ZNF804B: variants seen among roughly 807,000 people sequenced by gnomAD.
The protein encoded by ZNF804B is zinc finger 804B.
In ZNF804B, 80 loss-of-function variants were observed where a neutral mutation model predicts 101.4. The ratio of observed to expected loss-of-function variants is 0.79; its 90% confidence interval spans 0.66 to 0.95. The LOEUF is 0.95. Ranked by LOEUF, ZNF804B falls within the 40% of genes least tolerant of loss-of-function variation. The pLI, the probability that ZNF804B is intolerant of heterozygous loss-of-function variation, is 0.00. For missense variants in ZNF804B, 1,673 were observed against 1,561.9 expected, an observed-to-expected ratio of 1.07 and a Z score of -1.20; for synonymous variants, 622 against 558.8, an observed-to-expected ratio of 1.11 and a Z score of -1.59.
chr7:89,151,835 A>G (rs1259322600), intron 1 of ZNF804B, among the ~76,000 whole-genome samples: 1 of 152,062 alleles, frequency 6.6e-6, no homozygotes, highest in Non-Finnish European at 1.5e-5. Context: ...ATTCACACTC[A>G]TAGGCTATGA....
chr7:89,138,538 G>C (rs1311850578), intron 1 of ZNF804B, among the ~76,000 whole-genome samples: 1 of 152,046 alleles, frequency 6.6e-6, no homozygotes, highest in Non-Finnish European at 1.5e-5. Flanking sequence ...GGAGTTAATG[G>C]TGAAATGAGT....
intron 2 of ZNF804B, among the ~76,000 whole-genome samples, chr7:89,223,330 T>C (rs2115717045): frequency 6.6e-6 from 1 of 152,044 alleles, no homozygotes. Flanking sequence ...AAATAATCTA[T>C]GAATACTCTT....
chr7:89,284,158 A>G (rs993152649), intron 2 of ZNF804B, among the ~76,000 whole-genome samples: 2 of 152,252 alleles, frequency 1.3e-5, no homozygotes, highest in African/African-American at 4.8e-5. Flanking sequence ...ACCGTAGTAC[A>G]TACTATATTG....
At chr7:88,969,386 A>G (rs889768865) in intron 1 of ZNF804B, among the ~76,000 whole-genome samples, 17 of 151,634 alleles carry the variant, frequency 1.1e-4, no homozygotes, top group African/African-American at 3.9e-4. Context: ...GGTTAATGCA[A>G]TGGGTAAAAT....
intron 1 of ZNF804B, among the ~76,000 whole-genome samples, chr7:88,861,501 G>A (rs1198930409): frequency 6.6e-6 from 1 of 152,126 alleles, no homozygotes; most frequent in Non-Finnish European, 1.5e-5. Flanking sequence ...TTAATATAGG[G>A]TGCTTAAGAT....
At chr7:89,308,785 G>A (rs1446893982) in intron 2 of ZNF804B, among the ~76,000 whole-genome samples, 1 of 152,152 alleles carries the variant, frequency 6.6e-6, no homozygotes, top group Non-Finnish European at 1.5e-5. Context: ...CTGTGGCAAG[G>A]ATTCAACTCT....
chr7:89,287,404 G>T (rs997902043), intron 2 of ZNF804B, among the ~76,000 whole-genome samples: 7 of 152,144 alleles, frequency 4.6e-5, no homozygotes, highest in African/African-American at 1.7e-4. Context: ...TAAGTGACAT[G>T]AATCTCAAAT....
intron 2 of ZNF804B, among the ~76,000 whole-genome samples, chr7:89,267,001 C>CA (rs1168728385): frequency 1.3e-5 from 2 of 152,018 alleles, no homozygotes; most frequent in African/African-American, 4.8e-5. Flanking sequence ...AAATTGGGAA[C>CA]ATTATTTATT....
intron 1 of ZNF804B, among the ~76,000 whole-genome samples, chr7:88,986,623 G>A (rs1005801750): frequency 2.0e-5 from 3 of 152,012 alleles, no homozygotes; most frequent in Non-Finnish European, 4.4e-5. Flanking sequence ...TCCTGACCTC[G>A]TGCAATGCTG....
chr7:89,150,709 C>T (rs1411643967), intron 1 of ZNF804B, among the ~76,000 whole-genome samples: 1 of 152,010 alleles, frequency 6.6e-6, no homozygotes, highest in Non-Finnish European at 1.5e-5. Context: ...AAATGAAATG[C>T]TTACCTATCA....
intron 2 of ZNF804B, among the ~76,000 whole-genome samples, chr7:89,326,398 G>A (rs561415289): frequency 1.3e-5 from 2 of 152,124 alleles, no homozygotes; most frequent in Non-Finnish European, 2.9e-5. Flanking sequence ...AGTAACAGTC[G>A]GCTCCAGTAT....
At chr7:88,835,630 T>G (rs1308139508) in intron 1 of ZNF804B, among the ~76,000 whole-genome samples, 4 of 151,820 alleles carry the variant, frequency 2.6e-5, no homozygotes, top group African/African-American at 9.7e-5. Context: ...ACAATAAAAT[T>G]TGCAATGGTG....
At position 88,903,857 on chromosome 7, in the gene ZNF804B, T is replaced by C. The variant is rs1326027817; in HGVS notation, c.108+143773T>C. ...ATGGACTCTGGATATTAGACCTTGT[T>C]GATGCATAGTTTGTGAATATTTTCT... On this transcript the variant is annotated intron_variant, in intron 1 of 3. Transcript: ENST00000333190. Among the ~76,000 whole-genome samples, 6 of 152,260 alleles carry C rather than the reference T, an allele frequency of 3.9e-5. No homozygotes were observed. The South Asian group carries it at 8.3e-4, about 21-fold the overall frequency.
intron 1 of ZNF804B, among the ~76,000 whole-genome samples, chr7:88,960,160 T>C (rs1793369723): frequency 6.6e-6 from 1 of 151,470 alleles, no homozygotes; most frequent in Non-Finnish European, 1.5e-5. Context: ...CAGTTGTTTA[T>C]TCAATTATTT....
At chr7:89,248,232 C>T (rs1789481122) in intron 2 of ZNF804B, among the ~76,000 whole-genome samples, 1 of 151,902 alleles carries the variant, frequency 6.6e-6, no homozygotes, top group Admixed American at 6.6e-5. Context: ...ACACAGTAGA[C>T]AGCAAGATAC....
chr7:88,808,208 A>C (rs1430835283), intron 1 of ZNF804B, among the ~76,000 whole-genome samples: 1 of 151,966 alleles, frequency 6.6e-6, no homozygotes, highest in Non-Finnish European at 1.5e-5. Flanking sequence ...TCTGGCCAAC[A>C]TGGTGAAAAC....
chr7:89,335,894 G>A lies in ZNF804B; in HGVS notation c.2912G>A (p.Gly971Asp), dbSNP rs560537958. Residue 971 changes from glycine (G) to aspartate (D), a missense_variant, in exon 4 of 4, where the codon GGC (glycine) becomes GAC (aspartate). Transcript: ENST00000333190. ...VPCTIQLAPS[G>D]CNRQALPLSE... is the part of the protein sequence containing the mutation. ...TGCACAATTCAACTTGCACCATCAG[G>A]CTGTAACAGACAAGCATTGCCTTTG... The A allele has an allele frequency of 3.7e-6, 6 of 1,614,052 alleles. No individual in the cohort carries two copies. The East Asian group carries it at 1.3e-4, about 36-fold the overall frequency.
At position 89,337,836 on chromosome 7, in the gene ZNF804B, C is replaced by G. The variant is rs1320701172; in HGVS notation, c.*804C>G. Among the ~76,000 whole-genome samples, 1 of 151,912 alleles carries G rather than the reference C, an allele frequency of 6.6e-6. No homozygotes were observed. On this transcript the variant is annotated 3_prime_UTR_variant, in exon 4 of 4. Transcript: ENST00000333190. ...CTTTTAAATATATTGGTCAATCTGT[C>G]AAATATAACAGGAACTAAAATATTG... is the stretch of plus-strand genomic sequence containing the variant.
At chr7:88,936,017 C>T (rs2116031705) in intron 1 of ZNF804B, among the ~76,000 whole-genome samples, 1 of 147,960 alleles carries the variant, frequency 6.8e-6, no homozygotes, top group South Asian at 2.1e-4. Flanking sequence ...TTTTTTTCTT[C>T]CTCCTGCCCA....
Sources: allele counts gnomAD v4.1 joint callset (sites outside exome capture counted in the v4.1 genomes callset), GRCh38; gene constraint gnomAD v4.1.1; transcripts MANE v1.5; gene names NCBI Gene and HGNC (gene_info 2026-07-23, HGNC 2026-07-21).